The following GAB2 variants were observed in gnomAD, a reference collection of about 807,000 sequenced individuals.
GAB2 encodes GRB2-associated-binding protein 2.
In GAB2, 26 loss-of-function variants were observed where a neutral mutation model predicts 65.5. The observed-to-expected ratio is 0.40, with a 90% CI of 0.29 to 0.55. The LOEUF (loss-of-function observed/expected upper bound fraction) is 0.55, where lower values mean the gene tolerates loss of function less well. Ranked by LOEUF, GAB2 falls within the 20% of genes least tolerant of loss-of-function variation. The pLI is 0.53. For missense variants in GAB2, 884 were observed against 875.8 expected (o/e 1.01, Z -0.12); for synonymous variants, 321 against 329.6 (o/e 0.97, Z 0.28).
intron 1 of GAB2, among the ~76,000 whole-genome samples, chr11:78,389,190 G>A (rs1246455321): frequency 6.6e-6 from 1 of 152,078 alleles, no homozygotes; most frequent in East Asian, 1.9e-4. Flanking sequence ...CATGTTCTGA[G>A]ATCACAACAG....
chr11:78,290,403 A>C (rs922461010), intron 1 of GAB2, among the ~76,000 whole-genome samples: 1 of 152,208 alleles, frequency 6.6e-6, no homozygotes, highest in African/African-American at 2.4e-5. Context: ...AAGACCACAA[A>C]GTGTGGGTAC....
At chr11:78,293,664 G>A (rs985967227) in intron 1 of GAB2, among the ~76,000 whole-genome samples, 1 of 152,132 alleles carries the variant, frequency 6.6e-6, no homozygotes, top group South Asian at 2.1e-4. Flanking sequence ...AGCGACAAGC[G>A]TTATGTTCCA....
Position 78,318,369 on chromosome 11 carries a change from C to CAAAAAAAAAAAAAGAAAAAAAAA in GAB2, c.76-37469_76-37468insTTTTTTTTTCTTTTTTTTTTTTT, listed in dbSNP as rs1855654811. On this transcript the variant is annotated intron_variant, in intron 1 of 9. Coordinates refer to ENST00000361507, the MANE Select transcript of GAB2 (RefSeq NM_080491.3). ...ATTTTGGGATCTGATTGTTAAATGC[C>CAAAAAAAAAAAAAGAAAAAAAAA]AAAAAAAAAAAAAAAAAGCTGTGAA... The CAAAAAAAAAAAAAGAAAAAAAAA allele has an allele frequency of 4.2e-5, 2 of 47,676 alleles. 1 individual carries two copies. The highest frequency in any genetic ancestry group is 8.1e-5 in the Non-Finnish European group (2 of 24,750). The allele number at this position is 47,676 out of a possible 1,614,324, so 3.0% of individuals were successfully genotyped here.
chr11:78,232,443 A>G (rs181314659), intron 3 of GAB2, among the ~76,000 whole-genome samples: 23 of 152,368 alleles, frequency 1.5e-4, no homozygotes, highest in African/African-American at 4.6e-4. Context: ...GAGGACAAAA[A>G]TAAGTCCAGT....
At chr11:78,346,126 ATTAAAAATAACT>A (rs1488031353) in intron 1 of GAB2, among the ~76,000 whole-genome samples, 4 of 152,246 alleles carry the variant, frequency 2.6e-5, no homozygotes, top group African/African-American at 9.6e-5. Context: ...GCTGTAAAAA[ATTAAAAATAACT>A]TTAAAAATAA....
At chr11:78,381,724 C>G (rs1034435008) in intron 1 of GAB2, among the ~76,000 whole-genome samples, 2 of 151,442 alleles carry the variant, frequency 1.3e-5, no homozygotes, top group Non-Finnish European at 1.5e-5. Context: ...GTGTTAAGCA[C>G]ATTAAATGAG....
chr11:78,262,436 T>C (rs1865758969), intron 2 of GAB2, among the ~76,000 whole-genome samples: 1 of 152,162 alleles, frequency 6.6e-6, no homozygotes, highest in Non-Finnish European at 1.5e-5. Flanking sequence ...CTGTGGGAGG[T>C]AACCTGGTGA....
chr11:78,300,698 T>TTTTTTTTTTTTTTTTTTTTTGTTTTTG (rs1866989356), intron 1 of GAB2, among the ~76,000 whole-genome samples: 1 of 141,334 alleles, frequency 7.1e-6, no homozygotes, highest in African/African-American at 2.7e-5. Flanking sequence ...TTTTTTTGTT[T>TTTTTTTTTTTTTTTTTTTTTGTTTTTG]TTTTTTTTTT....
chr11:78,344,192 G>C (rs1012484103), intron 1 of GAB2, among the ~76,000 whole-genome samples: 6 of 152,208 alleles, frequency 3.9e-5, no homozygotes, highest in Admixed American at 2.6e-4. Context: ...ATTTAACTCA[G>C]GATTTCAATG....
chr11:78,383,214 G>A (rs1856719744), intron 1 of GAB2, among the ~76,000 whole-genome samples: 1 of 152,194 alleles, frequency 6.6e-6, no homozygotes, highest in Non-Finnish European at 1.5e-5. Context: ...AGAGGTTGCA[G>A]TGAGCTGAGA....
At chr11:78,370,276 A>G (rs1008952313) in intron 1 of GAB2, among the ~76,000 whole-genome samples, 6 of 148,514 alleles carry the variant, frequency 4.0e-5, no homozygotes, top group Non-Finnish European at 7.5e-5. Flanking sequence ...AAAAAAAAAG[A>G]AAAGAAAATA....
In GAB2 at chr11:78,219,223, G is replaced by C. The variant is rs771527647; in HGVS notation, c.*49C>G. On this transcript the variant is annotated 3_prime_UTR_variant, in exon 10 of 10. Transcript: ENST00000361507. ...GGAGAGGGGAGAGGGGAGATGGGAA[G>C]GGCCAGCTCTGGAGATGCTGCCTCC... 5 of 1,574,614 alleles carry C rather than the reference G, an allele frequency of 3.2e-6. No individual in the cohort carries two copies. The highest frequency in any genetic ancestry group is 2.3e-5 in the East Asian group (1 of 44,418).
chr11:78,402,735 G>A (rs948398553), intron 1 of GAB2, among the ~76,000 whole-genome samples: 1 of 152,168 alleles, frequency 6.6e-6, no homozygotes, highest in Admixed American at 6.5e-5. Flanking sequence ...ACAGACATGA[G>A]CCACTGCGCC....
rs2134585694 is a variant in GAB2 at position 78,280,878 on chromosome 11, G to A, written c.99C>T (p.Ile33=). The change falls in exon 2 of 10, where the codon ATC becomes ATT. Residue 33 remains isoleucine (I), a synonymous_variant. Transcript: ENST00000361507. ...RRYAWKKRWF[I]LRSGRMSGDP... ...CACCGCTCATCCGGCCACTCCGCAG[G>A]ATAAACCAGCGTTTCTTCCAGGCCT... The A allele has an allele frequency of 1.2e-6, 2 of 1,613,934 alleles. No homozygotes were observed. Among genetic ancestry groups the A allele is most frequent in the Non-Finnish European group, 1.7e-6 (2 of 1,179,790 alleles).
At chr11:78,339,762 C>G (rs1375592999) in intron 1 of GAB2, among the ~76,000 whole-genome samples, 1 of 152,204 alleles carries the variant, frequency 6.6e-6, no homozygotes, top group Non-Finnish European at 1.5e-5. Context: ...AACCAATTAG[C>G]TAATTGTCTG....
chr11:78,241,943 C>G (rs760459945), intron 3 of GAB2, among the ~76,000 whole-genome samples: 3 of 152,190 alleles, frequency 2.0e-5, no homozygotes, highest in Non-Finnish European at 2.9e-5. Context: ...TTAAACTGCG[C>G]TTTAGATCAA....
intron 1 of GAB2, among the ~76,000 whole-genome samples, chr11:78,381,081 C>G (rs114339835): frequency 3.3e-5 from 5 of 152,238 alleles, no homozygotes; most frequent in African/African-American, 9.6e-5. Flanking sequence ...TCTACTTAAT[C>G]GTATTTTCTG....
intron 3 of GAB2, among the ~76,000 whole-genome samples, chr11:78,244,070 C>T (rs1865221325): frequency 6.6e-6 from 1 of 151,720 alleles, no homozygotes; most frequent in African/African-American, 2.4e-5. Context: ...TCAGAAGCAC[C>T]ATCAAAAACA....
rs11272998 is a variant in GAB2 at position 78,318,369 on chromosome 11, CAAAAAAAAA to C, written c.76-37477_76-37469del. 5 of 47,676 alleles carry C rather than the reference CAAAAAAAAA, an allele frequency of 1.0e-4. 2 individuals are homozygous for C. The highest frequency in any genetic ancestry group is 6.2e-4 in the African/African-American group (5 of 8,078). 3.0% of individuals were successfully genotyped at this position (47,676 alleles called of 1,614,324 possible). On this transcript the variant is annotated intron_variant, in intron 1 of 9. Coordinates refer to ENST00000361507, the MANE Select transcript of GAB2 (RefSeq NM_080491.3). Reference sequence around the variant, plus strand: ...ATTTTGGGATCTGATTGTTAAATGCCAAAAAAAAAAAAAAAAAGCTGTGAAAAGGAGCTT... The same window carrying C: ...ATTTTGGGATCTGATTGTTAAATGCCAAAAAAAAGCTGTGAAAAGGAGCTT...
Sources: gnomAD v4.1 joint callset for allele counts (sites outside exome capture counted in the v4.1 genomes callset) on GRCh38, gnomAD v4.1.1 for gene constraint, MANE v1.5 for transcripts, NCBI Gene and HGNC (gene_info 2026-07-23, HGNC 2026-07-21) for gene names.